NAXD: variants seen among roughly 807,000 people sequenced by gnomAD.
NAXD encodes the protein ATP-dependent (S)-NAD(P)H-hydrate dehydratase.
In NAXD, 22 loss-of-function variants were observed where a neutral mutation model predicts 35.8. The ratio of observed to expected loss-of-function variants is 0.62; its 90% CI spans 0.44 to 0.88. The LOEUF is 0.88. NAXD is among the 40% of genes least tolerant of loss of function. The pLI is 0.00. For synonymous variants in NAXD, 189 were observed against 177.6 expected, an observed-to-expected ratio of 1.06 and a Z score of -0.51; for missense variants, 428 against 437.7, an observed-to-expected ratio of 0.98 and a Z score of 0.20.
rs761210633 is a variant in NAXD at position 110,638,397 on chromosome 13, G to T, written c.859G>T (p.Ala287Ser). ...CCGCAGGTCCAGCCCTCTCCTGGTGGCCGCGTTTGGCGCCTGCTCTCTCAC... is the reference window on the plus strand; with the variant it reads ...CCGCAGGTCCAGCCCTCTCCTGGTGTCCGCGTTTGGCGCCTGCTCTCTCAC... The part of the protein sequence containing the change: ...KTNGSSPLLV[A>S]AFGACSLTRQ... The change falls in exon 10 of 10, where the codon GCC (alanine) becomes TCC (serine). Residue 287 changes from alanine (A) to serine (S), a missense_variant. Physicochemically the swap from Ala to Ser is moderately conservative, Grantham distance 99. Around this residue, in one of 3 missense-constraint regions of NAXD, gnomAD observed 209 missense variants for 214.6 expected, o/e 0.97. Coordinates refer to ENST00000680254, the MANE Select transcript of NAXD (RefSeq NM_001242882.2). The surrounding 1 kb of genome is among the most constrained non-coding windows in gnomAD (Gnocchi z 5.4). 5 of 1,613,684 alleles carry T rather than the reference G, an allele frequency of 3.1e-6. No individual in the cohort carries two copies. Among genetic ancestry groups the T allele is most frequent in the Non-Finnish European group, 4.2e-6 (5 of 1,180,018 alleles).
rs781725372 is a variant in NAXD, at chr13:110,615,778, C to T, written c.46+131C>T. 9 of 1,374,246 alleles carry T rather than the reference C, an allele frequency of 6.5e-6. No homozygotes were observed. The South Asian group carries it at 1.2e-4, about 18-fold the overall frequency. 85.1% of individuals were successfully genotyped at this position (1,374,246 alleles called of 1,614,324 possible). ...TACGGGCCGCCACTGGACGCAGGTA[C>T]CCGACCGCTGACCGCCTCTGCTGGC... On this transcript the variant is annotated intron_variant, in intron 1 of 9. Coordinates refer to ENST00000680254, the MANE Select transcript of NAXD (RefSeq NM_001242882.2).
chr13:110,625,128 C>G, intron 3 of NAXD, 62 bp from the exon 4 acceptor site: 1 of 1,244,340 alleles, frequency 8.0e-7, no homozygotes, highest in Non-Finnish European at 1.2e-6. Flanking sequence ...ACGCCTGTGT[C>G]TGGCGGGTGG....
intron 1 of NAXD, among the ~76,000 whole-genome samples, chr13:110,620,385 C>T (rs1008153504): frequency 8.7e-5 from 13 of 149,720 alleles, no homozygotes; most frequent in South Asian, 2.1e-4. Flanking sequence ...ATCGAGACCA[C>T]CCTGGCCAAC....
rs140474346 is a variant in NAXD, at chr13:110,638,317, C to T, written c.840-61C>T. 5.0e-6 allele frequency: 8 copies of T among 1,612,418 alleles called. No individual in the cohort carries two copies. The African/African-American group carries it at 5.3e-5, about 11-fold the overall frequency. ...GAGTCAAAACCAGAGCCCAGGGTAG[C>T]TGCGGCCCCCGGACCACGACGCCCA... On this transcript the variant is annotated intron_variant, in intron 9 of 9. Coordinates refer to ENST00000680254, the MANE Select transcript of NAXD (RefSeq NM_001242882.2). The surrounding 1 kb of genome is among the most constrained non-coding windows in gnomAD (Gnocchi z 5.4).
At position 110,622,198 on chromosome 13, in the gene NAXD, A is replaced by G. The variant is rs776473296; in HGVS notation, c.47-18A>G. 10 of 1,601,576 alleles carry G rather than the reference A, an allele frequency of 6.2e-6. 1 individual carries two copies. The highest frequency in any genetic ancestry group is 4.4e-5 in the South Asian group (4 of 89,952). Reference sequence around the variant, plus strand: ...ATCTGTTTACCTTTCTGAATTATTCATTTTTCTTGTCTTTCAGTTTTAGAA... The same window carrying G: ...ATCTGTTTACCTTTCTGAATTATTCGTTTTTCTTGTCTTTCAGTTTTAGAA... On this transcript the variant is annotated intron_variant, in intron 1 of 9. Coordinates refer to ENST00000680254, the MANE Select transcript of NAXD (RefSeq NM_001242882.2).
rs114649039 is a variant in NAXD, at chr13:110,623,298, T to C, written c.197+932T>C. Among the ~76,000 whole-genome samples, 388 of 152,248 alleles carry C rather than the reference T, an allele frequency of 2.5e-3. 4 individuals carry two copies. The highest frequency in any genetic ancestry group is 9.1e-3 in the African/African-American group (379 of 41,552). ...TATCAGCATTTGCCCAGGTCTCTCT[T>C]TCTTGGGTTAGCAAAACATTTCACT... On this transcript the variant is annotated intron_variant, in intron 2 of 9. Transcript: ENST00000680254.
Position 110,635,151 on chromosome 13 carries a change from A to G in NAXD, c.598-317A>G, listed in dbSNP as rs114470640. On this transcript the variant is annotated intron_variant, in intron 7 of 9. Coordinates refer to ENST00000680254, the MANE Select transcript of NAXD (RefSeq NM_001242882.2). Reference sequence around the variant, plus strand: ...TCCCCACATGGTAAGTGTCCCATCAATGTTAGTGCCCAGTACGACTGGAAT... The same window carrying G: ...TCCCCACATGGTAAGTGTCCCATCAGTGTTAGTGCCCAGTACGACTGGAAT... Among the ~76,000 whole-genome samples, 688 of 152,308 alleles carry G rather than the reference A, an allele frequency of 4.5e-3. 5 individuals are homozygous for G. The highest frequency in any genetic ancestry group is 0.015 in the African/African-American group (628 of 41,566).
In NAXD at chr13:110,628,008, C is replaced by T. The variant is rs536649186; in HGVS notation, c.441+461C>T. Among the ~76,000 whole-genome samples, 2 of 152,210 alleles carry T rather than the reference C, an allele frequency of 1.3e-5. No individual in the cohort carries two copies. The highest frequency in any genetic ancestry group is 4.8e-5 in the African/African-American group (2 of 41,454). On this transcript the variant is annotated intron_variant, in intron 5 of 9. Coordinates refer to ENST00000680254, the MANE Select transcript of NAXD (RefSeq NM_001242882.2). This position sits in a 1 kb window ranked among gnomAD's most constrained non-coding sequence, Gnocchi z 4.1. ...GTGAGGTGACACGGGCCTGCTTGTC[C>T]GTGCCCACATGCATATGCGCATGGA...
At position 110,638,766 on chromosome 13, in the gene NAXD, T is replaced by G; in HGVS notation, c.*238T>G. 1.5e-6 allele frequency: 1 copy of G among 681,380 alleles called. No individual in the cohort carries two copies. Among genetic ancestry groups the G allele is most frequent in the Admixed American group, 2.0e-5 (1 of 49,072 alleles). The allele number at this position is 681,380 out of a possible 1,614,324, so 42.2% of individuals were successfully genotyped here. The stretch of plus-strand genomic sequence containing the variant: ...AAACAAAGTATTCCTGAACTTTCCT[T>G]AGCTCCTTGGTAGTAACTGGGAAGA... On this transcript the variant is annotated 3_prime_UTR_variant, in exon 10 of 10. Transcript: ENST00000680254. The surrounding 1 kb of genome is among the most constrained non-coding windows in gnomAD (Gnocchi z 5.4).
chr13:110,630,616 A>G (rs533263416), intron 5 of NAXD, among the ~76,000 whole-genome samples: 31 of 151,986 alleles, frequency 2.0e-4, no homozygotes, highest in Non-Finnish European at 3.4e-4. Context: ...GCCTAACCCA[A>G]GGTTTACTCC....
At position 110,634,337 on chromosome 13, in the gene NAXD, C is replaced by T. The variant is rs370799424; in HGVS notation, c.442-208C>T. Among the ~76,000 whole-genome samples, 126 of 152,158 alleles carry T rather than the reference C, an allele frequency of 8.3e-4. No homozygotes were observed. The Middle Eastern group carries it at 0.017, about 21-fold the overall frequency. On this transcript the variant is annotated intron_variant, in intron 5 of 9. Transcript: ENST00000680254. ...CCAACATCAAGGTGCCGGCATCTGG[C>T]GAGGGCAGAAGGGCAGGAGAGAGAC...
At chr13:110,626,486 A>G (rs1886488028) in intron 4 of NAXD, among the ~76,000 whole-genome samples, 1 of 145,472 alleles carries the variant, frequency 6.9e-6, no homozygotes, top group Non-Finnish European at 1.5e-5. Context: ...CAGTGGGGAC[A>G]CGGGCTTGGG....
At chr13:110,634,523 G>C in intron 5 of NAXD, 22 bp from the exon 6 acceptor site, 1 of 1,613,710 alleles carries the variant, frequency 6.2e-7, no homozygotes, top group African/African-American at 1.3e-5. Context: ...ATGGTGCTCA[G>C]TCTGGTTTTC....
At chr13:110,616,125 CCGGTCT>C in intron 1 of NAXD, 1 of 281,516 alleles carries the variant, frequency 3.6e-6, no homozygotes, top group Non-Finnish European at 6.6e-6. Flanking sequence ...GTCCCCGCTC[CCGGTCT>C]GGGAAAGATG....
rs929980058 is a variant in NAXD at position 110,628,207 on chromosome 13, G to A, written c.441+660G>A. ...CTCTGTGTTCCCTGCGTCCTCTGAC[G>A]CTCCCTGGGCTGGTGTGTCTCTGCT... is the stretch of plus-strand genomic sequence containing the variant. On this transcript the variant is annotated intron_variant, in intron 5 of 9. Coordinates refer to ENST00000680254, the MANE Select transcript of NAXD (RefSeq NM_001242882.2). This position sits in a 1 kb window ranked among gnomAD's most constrained non-coding sequence, Gnocchi z 4.1. Among the ~76,000 whole-genome samples, 2 of 152,152 alleles carry A rather than the reference G, an allele frequency of 1.3e-5. No homozygotes were observed. The highest frequency in any genetic ancestry group is 4.8e-5 in the African/African-American group (2 of 41,418).
intron 4 of NAXD, among the ~76,000 whole-genome samples, chr13:110,626,066 G>A (rs978011083): frequency 1.8e-4 from 27 of 152,092 alleles, no homozygotes; most frequent in African/African-American, 6.0e-4. Context: ...GTGATGTGTC[G>A]GGTGACCAAG....
chr13:110,635,693 CACACATTCACACA>C, intron 8 of NAXD, 105 bp downstream of exon 8: 1 of 1,255,952 alleles, frequency 8.0e-7, no homozygotes, highest in Non-Finnish European at 1.1e-6. Context: ...CCCGTGTTCA[CACACATTCACACA>C]GGGATTCCTG....
At chr13:110,621,060 A>T (rs897123996) in intron 1 of NAXD, among the ~76,000 whole-genome samples, 3 of 152,228 alleles carry the variant, frequency 2.0e-5, no homozygotes, top group Non-Finnish European at 4.4e-5. Context: ...ACAACTCAAG[A>T]TGATGAAAAT....
At chr13:110,636,167 G>A (rs1049132823) in intron 8 of NAXD, among the ~76,000 whole-genome samples, 3 of 152,218 alleles carry the variant, frequency 2.0e-5, no homozygotes, top group Non-Finnish European at 4.4e-5. Context: ...GAGGCATCTG[G>A]GGAGCCGTGC....
Sources: gnomAD v4.1 joint callset for allele counts (sites outside exome capture counted in the v4.1 genomes callset) on GRCh38, gnomAD v4.1.1 for gene constraint, gnomAD v4.1.1 regional missense constraint, Gnocchi (gnomAD v3.1) non-coding constraint, MANE v1.5 for transcripts, NCBI Gene and HGNC (gene_info 2026-07-23, HGNC 2026-07-21) for gene names.